PRKN: variants seen among roughly 807,000 people sequenced by gnomAD.
PRKN encodes E3 ubiquitin-protein ligase parkin.
Under a neutral mutation model 59.5 loss-of-function variants are expected in PRKN, and 56 were observed. The ratio of observed to expected loss-of-function variants is 0.94; its 90% confidence interval spans 0.76 to 1.18. The LOEUF is 1.18. PRKN is among the 50% of genes most tolerant of loss of function. The probability of loss-of-function intolerance (pLI) is 0.00; values close to 1 mark genes in which losing one functional copy is unlikely to be tolerated. For missense variants in PRKN, 657 were observed against 596.4 expected (o/e 1.10, Z -1.06); for synonymous variants, 250 against 222.1 (o/e 1.13, Z -1.12).
At chr6:162,250,971 C>T (rs1217236645) in intron 3 of PRKN, among the ~76,000 whole-genome samples, 2 of 152,040 alleles carry the variant, frequency 1.3e-5, no homozygotes, top group Non-Finnish European at 2.9e-5. Flanking sequence ...TTGTTTTCAT[C>T]TTGGATTATC....
chr6:162,002,649 C>G (rs1174232057), intron 5 of PRKN, among the ~76,000 whole-genome samples: 1 of 151,144 alleles, frequency 6.6e-6, no homozygotes, highest in Non-Finnish European at 1.5e-5. Flanking sequence ...ATTTTTTGCT[C>G]TAAATTTAAT....
chr6:162,235,430 G>A (rs562096553), intron 3 of PRKN, among the ~76,000 whole-genome samples: 79 of 152,204 alleles, frequency 5.2e-4, no homozygotes, highest in African/African-American at 1.8e-3. Context: ...AGCTATCTAC[G>A]AACATTACAT....
At chr6:162,417,326 G>A (rs568382846) in intron 2 of PRKN, among the ~76,000 whole-genome samples, 6 of 152,194 alleles carry the variant, frequency 3.9e-5, no homozygotes, top group Non-Finnish European at 8.8e-5. Flanking sequence ...GATGCCACGC[G>A]TTGACTGTGA....
chr6:161,457,038 C>T lies in PRKN; in HGVS notation c.1084-70161G>A, dbSNP rs1048157295. Among the ~76,000 whole-genome samples, 2 of 152,188 alleles carry T rather than the reference C, an allele frequency of 1.3e-5. No homozygotes were observed. Among genetic ancestry groups the T allele is most frequent in the Non-Finnish European group, 2.9e-5 (2 of 68,042 alleles). ...TGGGCGTGGAAGGGCGGTGTGAGAG[C>T]AAGGCTGAATAGTCCAACTTCCTCC... On this transcript the variant is annotated intron_variant, in intron 9 of 11. Coordinates refer to ENST00000366898, the MANE Select transcript of PRKN (RefSeq NM_004562.3). This position sits in a 1 kb window ranked among gnomAD's most constrained non-coding sequence, Gnocchi z 5.0.
intron 1 of PRKN, among the ~76,000 whole-genome samples, chr6:162,618,622 A>T (rs186976348): frequency 2.0e-5 from 3 of 152,258 alleles, no homozygotes; most frequent in Admixed American, 6.5e-5. Context: ...ATAATCCCCT[A>T]GGTTTATAAT....
At chr6:162,498,448 T>C (rs1268103504) in intron 1 of PRKN, among the ~76,000 whole-genome samples, 1 of 115,576 alleles carries the variant, frequency 8.7e-6, no homozygotes, top group African/African-American at 3.3e-5. Flanking sequence ...TCTTTTTTTT[T>C]TTTTTTTTTT....
intron 4 of PRKN, among the ~76,000 whole-genome samples, chr6:162,066,011 A>G (rs1242031828): frequency 6.6e-6 from 1 of 152,186 alleles, no homozygotes; most frequent in East Asian, 1.9e-4. Flanking sequence ...TGCTATTGTG[A>G]ATAGTGCTGT....
At chr6:162,480,711 C>T (rs1242109000) in intron 1 of PRKN, among the ~76,000 whole-genome samples, 1 of 152,114 alleles carries the variant, frequency 6.6e-6, no homozygotes, top group Admixed American at 6.6e-5. Context: ...AAAACCAAAA[C>T]CCATAAATGA....
At chr6:162,490,547 T>C (rs898910050) in intron 1 of PRKN, among the ~76,000 whole-genome samples, 4 of 152,174 alleles carry the variant, frequency 2.6e-5, no homozygotes, top group African/African-American at 9.7e-5. Context: ...CTGTAATCCC[T>C]TTAAGACTCT....
intron 4 of PRKN, among the ~76,000 whole-genome samples, chr6:162,120,083 C>T (rs928822738): frequency 5.9e-5 from 9 of 152,182 alleles, no homozygotes; most frequent in Non-Finnish European, 5.9e-5. Context: ...AGTGGCGAGA[C>T]TGTGGCTCAC....
chr6:162,721,389 C>T (rs1778937006), intron 1 of PRKN, among the ~76,000 whole-genome samples: 1 of 152,176 alleles, frequency 6.6e-6, no homozygotes, highest in African/African-American at 2.4e-5. Flanking sequence ...TAAAATACAA[C>T]CTGTTCATAA....
intron 5 of PRKN, among the ~76,000 whole-genome samples, chr6:161,988,396 G>A (rs1781515237): frequency 6.6e-6 from 1 of 151,898 alleles, no homozygotes; most frequent in Non-Finnish European, 1.5e-5. Flanking sequence ...GCTGAGGCAG[G>A]AGAATCGCTT....
At chr6:161,992,848 T>G (rs1387531555) in intron 5 of PRKN, among the ~76,000 whole-genome samples, 1 of 152,134 alleles carries the variant, frequency 6.6e-6, no homozygotes. Context: ...AACATGCTCC[T>G]GAATGACCAT....
At chr6:162,364,853 C>T (rs985264027) in intron 2 of PRKN, among the ~76,000 whole-genome samples, 1 of 152,034 alleles carries the variant, frequency 6.6e-6, no homozygotes, top group Non-Finnish European at 1.5e-5. Flanking sequence ...TGATCCTGGG[C>T]TGTCAATTTG....
intron 7 of PRKN, among the ~76,000 whole-genome samples, chr6:161,713,705 C>G (rs1453820720): frequency 6.6e-6 from 1 of 152,130 alleles, no homozygotes; most frequent in South Asian, 2.1e-4. Context: ...CACATTTATG[C>G]TGCTCTAAAA....
Position 161,429,326 on chromosome 6 carries a change from G to C in PRKN, c.1084-42449C>G, listed in dbSNP as rs1187411806. ...AAGATTGAGAAAGTTCCTGCCCTCA[G>C]GGAGCTTATAGTCAGTCATGGGCAA... On this transcript the variant is annotated intron_variant, in intron 9 of 11. Transcript: ENST00000366898. This position sits in a 1 kb window ranked among gnomAD's most constrained non-coding sequence, Gnocchi z 4.2. Among the ~76,000 whole-genome samples, 1 of 152,180 alleles carries C rather than the reference G, an allele frequency of 6.6e-6. No individual in the cohort carries two copies. The highest frequency in any genetic ancestry group is 1.5e-5 in the Non-Finnish European group (1 of 68,034).
At chr6:162,117,987 T>C (rs192265945) in intron 4 of PRKN, among the ~76,000 whole-genome samples, 25 of 152,154 alleles carry the variant, frequency 1.6e-4, no homozygotes, top group South Asian at 4.1e-4. Flanking sequence ...TCCCAGCTAA[T>C]TGGGAGGCTG....
At chr6:162,192,039 A>C (rs1297847177) in intron 4 of PRKN, among the ~76,000 whole-genome samples, 1 of 152,226 alleles carries the variant, frequency 6.6e-6, no homozygotes, top group Non-Finnish European at 1.5e-5. Flanking sequence ...AATAAGACAT[A>C]TGAAAAACGT....
At chr6:162,072,813 G>T (rs111309570) in intron 4 of PRKN, among the ~76,000 whole-genome samples, 1 of 152,128 alleles carries the variant, frequency 6.6e-6, no homozygotes, top group African/African-American at 2.4e-5. Context: ...ACAATTGCAC[G>T]TAACAAACAG....
Sources: gnomAD v4.1 joint callset for allele counts (sites outside exome capture counted in the v4.1 genomes callset) on GRCh38, gnomAD v4.1.1 for gene constraint, Gnocchi (gnomAD v3.1) non-coding constraint, MANE v1.5 for transcripts, NCBI Gene and HGNC (gene_info 2026-07-23, HGNC 2026-07-21) for gene names.